The following CDC42BPA variants were observed in gnomAD, a reference collection of about 807,000 sequenced individuals.
CDC42BPA encodes the protein serine/threonine-protein kinase MRCK alpha.
Under a neutral mutation model 223.5 loss-of-function variants are expected in CDC42BPA, and 80 were observed. The observed-to-expected ratio is 0.36, with a 90% CI of 0.30 to 0.43. The LOEUF is 0.43. CDC42BPA is among the 20% of genes least tolerant of loss of function. The pLI is 1.00. For synonymous variants in CDC42BPA, 694 were observed against 718.6 expected, an observed-to-expected ratio of 0.97 and a Z score of 0.55; for missense variants, 1,743 against 2,099.9, an observed-to-expected ratio of 0.83 and a Z score of 3.32.
chr1:227,302,023 C>T (rs1449446762), intron 1 of CDC42BPA, among the ~76,000 whole-genome samples: 1 of 152,184 alleles, frequency 6.6e-6, no homozygotes, highest in Admixed American at 6.6e-5. Context: ...ATATCAGATA[C>T]TTAAGTCTGT....
chr1:227,094,953 T>C (rs2149265766), intron 15 of CDC42BPA, among the ~76,000 whole-genome samples: 1 of 152,240 alleles, frequency 6.6e-6, no homozygotes, highest in East Asian at 1.9e-4. Context: ...AATACACCAG[T>C]GAGAGGGCAC....
At chr1:227,110,507 A>G (rs571931801) in intron 14 of CDC42BPA, among the ~76,000 whole-genome samples, 2 of 152,360 alleles carry the variant, frequency 1.3e-5, no homozygotes, top group South Asian at 4.1e-4. Context: ...TGTGAATGAA[A>G]GTTAGAAAAC....
intron 26 of CDC42BPA, 30 bp from the exon 27 acceptor site, chr1:227,033,445 CT>C: frequency 6.9e-7 from 1 of 1,443,360 alleles, no homozygotes. Flanking sequence ...TTAAAAGTTA[CT>C]ATATGTGGCT....
chr1:227,267,903 G>GCTAA (rs1685269164), intron 1 of CDC42BPA, among the ~76,000 whole-genome samples: 2 of 152,106 alleles, frequency 1.3e-5, no homozygotes, highest in Non-Finnish European at 2.9e-5. Flanking sequence ...GGGACACAGA[G>GCTAA]CTAAACCATA....
Position 227,100,980 on chromosome 1 carries a change from T to TA in CDC42BPA, c.2249+11_2249+12insT. 7.0e-7 allele frequency: 1 copy of TA among 1,427,632 alleles called. No individual in the cohort carries two copies. 88.4% of individuals were successfully genotyped at this position (1,427,632 alleles called of 1,614,324 possible). A position where few individuals can be genotyped will look rare whatever the true frequency, so the allele number is the denominator to read the frequency against. The stretch of plus-strand genomic sequence containing the variant: ...TAAGTATTTACTGTATAGTAAATAA[T>TA]GTGATTCTTACCTTTCTCTTCTGGT... On this transcript the variant is annotated intron_variant, in intron 15 of 36. Transcript: ENST00000366766.
At chr1:227,067,109 A>G (rs968213382) in intron 21 of CDC42BPA, among the ~76,000 whole-genome samples, 1 of 152,142 alleles carries the variant, frequency 6.6e-6, no homozygotes, top group African/African-American at 2.4e-5. Flanking sequence ...ATTTACTTTT[A>G]TATTTATACT....
intron 1 of CDC42BPA, among the ~76,000 whole-genome samples, chr1:227,280,343 C>G (rs1030612454): frequency 3.9e-5 from 6 of 152,086 alleles, no homozygotes; most frequent in Non-Finnish European, 8.8e-5. Context: ...CATTCTCAAA[C>G]AGTCCCTTTT....
intron 1 of CDC42BPA, among the ~76,000 whole-genome samples, chr1:227,313,814 G>A (rs16847643): frequency 0.16 from 23,929 of 151,874 alleles, 2,171 homozygotes; most frequent in East Asian, 0.37. Flanking sequence ...TTAAAGCATA[G>A]TACCTGCTGA....
chr1:227,202,362 G>T (rs6682472), intron 3 of CDC42BPA, among the ~76,000 whole-genome samples: 55,388 of 151,986 alleles, frequency 0.36, 10,235 homozygotes, highest in Middle Eastern at 0.39. Flanking sequence ...TAACCAACCT[G>T]AGGTTATGGT....
chr1:227,033,877 AG>A (rs1339824864), intron 26 of CDC42BPA, among the ~76,000 whole-genome samples: 1 of 152,194 alleles, frequency 6.6e-6, no homozygotes, highest in Admixed American at 6.5e-5. Context: ...TTAGTCTTAC[AG>A]GCTTGACACC....
At chr1:227,230,745 G>A (rs1278104740) in intron 2 of CDC42BPA, among the ~76,000 whole-genome samples, 1 of 150,764 alleles carries the variant, frequency 6.6e-6, no homozygotes, top group Non-Finnish European at 1.5e-5. Context: ...TGTGTAGGTG[G>A]TCTATTAATA....
intron 5 of CDC42BPA, among the ~76,000 whole-genome samples, chr1:227,192,110 GT>G (rs1387147741): frequency 1.3e-5 from 2 of 151,972 alleles, no homozygotes; most frequent in African/African-American, 2.4e-5. Context: ...AATACAAATT[GT>G]TTAATTAAAG....
At chr1:227,221,292 C>G (rs1233139958) in intron 2 of CDC42BPA, among the ~76,000 whole-genome samples, 1 of 152,174 alleles carries the variant, frequency 6.6e-6, no homozygotes, top group African/African-American at 2.4e-5. Context: ...ATTATCTATT[C>G]CAAAGCCTCA....
At chr1:226,997,918 T>C (rs1395626644) in intron 35 of CDC42BPA, among the ~76,000 whole-genome samples, 1 of 152,182 alleles carries the variant, frequency 6.6e-6, no homozygotes, top group African/African-American at 2.4e-5. Flanking sequence ...GAATGTATAT[T>C]CCGTGGATTT....
intron 1 of CDC42BPA, among the ~76,000 whole-genome samples, chr1:227,299,964 G>A (rs1041177690): frequency 1.3e-5 from 2 of 152,096 alleles, no homozygotes; most frequent in South Asian, 2.1e-4. Context: ...GTTAGAAAGC[G>A]GACCAGTTTT....
intron 2 of CDC42BPA, among the ~76,000 whole-genome samples, chr1:227,221,440 AACTC>A (rs1033278776): frequency 6.6e-6 from 1 of 152,132 alleles, no homozygotes; most frequent in Non-Finnish European, 1.5e-5. Context: ...CTGTATACCA[AACTC>A]ACTCAAGTTG....
At chr1:227,288,823 C>T (rs1689222696) in intron 1 of CDC42BPA, among the ~76,000 whole-genome samples, 1 of 151,770 alleles carries the variant, frequency 6.6e-6, no homozygotes, top group Admixed American at 6.6e-5. Context: ...GGTGAAACCC[C>T]GTCTCTACTA....
chr1:227,112,434 A>G lies in CDC42BPA; in HGVS notation c.1891-12T>C, dbSNP rs757471214. On this transcript the variant is annotated splice_polypyrimidine_tract_variant and intron_variant, in intron 13 of 36. Coordinates refer to ENST00000366766, the MANE Select transcript of CDC42BPA (RefSeq NM_001394014.1). ...GTATGAACTTCCAGCTTTAAAACAG[A>G]ATGAAAAATGCAGATTTCACGGTTA... 2.0e-6 allele frequency: 3 copies of G among 1,537,984 alleles called. No homozygotes were observed. The highest frequency in any genetic ancestry group is 2.6e-6 in the Non-Finnish European group (3 of 1,133,774).
intron 16 of CDC42BPA, among the ~76,000 whole-genome samples, chr1:227,086,657 T>A (rs1279427534): frequency 6.6e-6 from 1 of 151,648 alleles, no homozygotes; most frequent in Non-Finnish European, 1.5e-5. Flanking sequence ...AAACACTGAG[T>A]TGTTTATATT....
Sources: allele counts gnomAD v4.1 joint callset (sites outside exome capture counted in the v4.1 genomes callset), GRCh38; gene constraint gnomAD v4.1.1; transcripts MANE v1.5; gene names NCBI Gene and HGNC (gene_info 2026-07-23, HGNC 2026-07-21).